Variants in DPP6 observed in about 807,000 individuals in gnomAD.
The protein encoded by DPP6 is A-type potassium channel modulatory protein DPP6.
Under a neutral mutation model 122.6 loss-of-function variants are expected in DPP6, and 69 were observed. The ratio of observed to expected loss-of-function variants is 0.56; its 90% confidence interval spans 0.46 to 0.69. The LOEUF (loss-of-function observed/expected upper bound fraction) is 0.69, where lower values mean the gene tolerates loss of function less well. Ranked by LOEUF, DPP6 falls within the 30% of genes least tolerant of loss-of-function variation. The pLI, the probability that DPP6 is intolerant of heterozygous loss-of-function variation, is 0.00. For missense variants in DPP6, 928 were observed against 1,116.9 expected (o/e 0.83, Z 2.41); for synonymous variants, 418 against 433.1 (o/e 0.97, Z 0.43).
At chr7:154,267,727 A>G (rs1163942176) in intron 1 of DPP6, among the ~76,000 whole-genome samples, 1 of 117,252 alleles carries the variant, frequency 8.5e-6, no homozygotes, top group East Asian at 2.6e-4. Context: ...ACACATACAT[A>G]TATATGTGTG....
chr7:154,884,751 TCATA>T lies in DPP6; in HGVS notation c.2134-878_2134-875del, dbSNP rs771602103. On this transcript the variant is annotated intron_variant, in intron 21 of 25. Coordinates refer to ENST00000377770, the MANE Select transcript of DPP6 (RefSeq NM_130797.4). The stretch of plus-strand genomic sequence containing the variant: ...GGCTTGCACAAGTTTACACACATAC[TCATA>T]CATGCTCACACAGGCATACACACAT... 574 of 68,458 alleles carry T rather than the reference TCATA, an allele frequency of 8.4e-3. 2 individuals are homozygous for T. The highest frequency in any genetic ancestry group is 0.013 in the Non-Finnish European group (432 of 34,074). 4.2% of individuals were successfully genotyped at this position (68,458 alleles called of 1,614,324 possible). A position where few individuals can be genotyped will look rare whatever the true frequency, so the allele number is the denominator to read the frequency against.
chr7:153,884,187 T>C (rs1798832692), upstream of DPP6, among the ~76,000 whole-genome samples: 1 of 152,048 alleles, frequency 6.6e-6, no homozygotes, highest in African/African-American at 2.4e-5. Flanking sequence ...CAGGCCCCAG[T>C]GTGTGATGTT....
chr7:154,153,029 A>G (rs1796501466), intron 1 of DPP6, among the ~76,000 whole-genome samples: 1 of 152,234 alleles, frequency 6.6e-6, no homozygotes, highest in East Asian at 1.9e-4. Flanking sequence ...TGGCCTGCCT[A>G]AAAATTAATG....
At chr7:154,279,210 T>C (rs149052749) in intron 1 of DPP6, among the ~76,000 whole-genome samples, 240 of 152,100 alleles carry the variant, frequency 1.6e-3, no homozygotes, top group African/African-American at 4.9e-3. Flanking sequence ...TATGTGAGTA[T>C]ATGGTGTATG....
At chr7:153,817,363 A>T in the DPP6 span, among the ~76,000 whole-genome samples, 2 of 140,460 alleles carry the variant, frequency 1.4e-5, 1 homozygote, top group East Asian at 4.6e-4. Context: ...CATTTTTCTC[A>T]GTATACACAT....
chr7:154,790,352 T>G (rs1020145926), intron 10 of DPP6, among the ~76,000 whole-genome samples: 6 of 152,144 alleles, frequency 3.9e-5, no homozygotes, highest in African/African-American at 1.4e-4. Context: ...GCCCAAAAGC[T>G]TTATGATAAA....
In DPP6 at chr7:154,682,319, C is replaced by T. The variant is rs115922329; in HGVS notation, c.762+12878C>T. 4.9e-3 allele frequency among the ~76,000 whole-genome samples: 740 copies of T among 152,352 alleles called. 8 individuals carry two copies. The highest frequency in any genetic ancestry group is 0.017 in the African/African-American group (710 of 41,576). ...CCTGTCAGGATCAGGCTGAACTCAA[C>T]AAGGCGAAAGGACCTGAACTTCTTG... On this transcript the variant is annotated intron_variant, in intron 7 of 25. Coordinates refer to ENST00000377770, the MANE Select transcript of DPP6 (RefSeq NM_130797.4).
the DPP6 span, among the ~76,000 whole-genome samples, chr7:153,830,618 C>T: frequency 6.6e-5 from 10 of 152,224 alleles, no homozygotes; most frequent in South Asian, 1.2e-3. Flanking sequence ...CTGTTAATTT[C>T]GAATTGGCCA....
intron 3 of DPP6, among the ~76,000 whole-genome samples, chr7:154,528,444 C>T (rs775511861): frequency 1.3e-5 from 2 of 152,168 alleles, no homozygotes; most frequent in African/African-American, 4.8e-5. Context: ...CTGTCATGGC[C>T]TCCTCATTCT....
intron 1 of DPP6, among the ~76,000 whole-genome samples, chr7:154,060,179 ACC>A (rs1801509291): frequency 7.1e-6 from 1 of 140,264 alleles, no homozygotes; most frequent in African/African-American, 2.8e-5. Context: ...GGGGGGAGGC[ACC>A]CCTCACGACA....
At chr7:154,837,180 G>A (rs186906023) in intron 16 of DPP6, among the ~76,000 whole-genome samples, 2 of 147,456 alleles carry the variant, frequency 1.4e-5, no homozygotes, top group African/African-American at 5.0e-5. Context: ...TGCATACACA[G>A]ATGCATGCAT....
rs1467881075 is a variant in DPP6, at chr7:154,200,569, C to A, written c.243+147506C>A. On this transcript the variant is annotated intron_variant, in intron 1 of 25. Transcript: ENST00000377770. ...AGGTCAGTACTAAAAACTACTCAGG[C>A]CATTCTTAGGCATTTTTGTCTTAGA... is the stretch of plus-strand genomic sequence containing the variant. 2.0e-5 allele frequency among the ~76,000 whole-genome samples: 3 copies of A among 152,130 alleles called. No individual in the cohort carries two copies. The East Asian group carries it at 5.8e-4, about 29-fold the overall frequency.
Position 154,821,635 on chromosome 7 carries a change from T to TATATATATATATATATAC in DPP6, c.1666+14534_1666+14535insTATATACATATATATATA, listed in dbSNP as rs1799770245. On this transcript the variant is annotated intron_variant, in intron 16 of 25. Transcript: ENST00000377770. This position sits in a 1 kb window ranked among gnomAD's most constrained non-coding sequence, Gnocchi z 4.2. ...TATATATATTTTTTTTCTGTATATA[T>TATATATATATATATATAC]ATATATATATACACATATATATATA... is the stretch of plus-strand genomic sequence containing the variant. Among the ~76,000 whole-genome samples the TATATATATATATATATAC allele has an allele frequency of 1.1e-5, 1 of 89,674 alleles. No individual in the cohort carries two copies. Among genetic ancestry groups the TATATATATATATATATAC allele is most frequent in the East Asian group, 2.9e-4 (1 of 3,400 alleles). 58.8% of individuals were successfully genotyped at this position (89,674 alleles called of 152,430 possible).
intron 2 of DPP6, among the ~76,000 whole-genome samples, chr7:154,472,014 A>C (rs906336686): frequency 3.3e-5 from 5 of 152,206 alleles, no homozygotes; most frequent in Non-Finnish European, 7.3e-5. Context: ...AAAGTCAAAA[A>C]GGAAAAACTT....
the DPP6 span, among the ~76,000 whole-genome samples, chr7:153,852,426 G>C: frequency 6.6e-6 from 1 of 152,074 alleles, no homozygotes; most frequent in African/African-American, 2.4e-5. Flanking sequence ...AGGAGCAAGA[G>C]AGTGGGAGCT....
At chr7:154,239,245 G>T (rs912371702) in intron 1 of DPP6, among the ~76,000 whole-genome samples, 1 of 152,192 alleles carries the variant, frequency 6.6e-6, no homozygotes. Context: ...AAGAAAAATG[G>T]CAAAACAACT....
At position 154,691,267 on chromosome 7, in the gene DPP6, G is replaced by T. The variant is rs182667204; in HGVS notation, c.762+21826G>T. Among the ~76,000 whole-genome samples, 10 of 152,126 alleles carry T rather than the reference G, an allele frequency of 6.6e-5. No homozygotes were observed. In the East Asian group the frequency reaches 1.9e-3, roughly 29 times the overall value. On this transcript the variant is annotated intron_variant, in intron 7 of 25. Coordinates refer to ENST00000377770, the MANE Select transcript of DPP6 (RefSeq NM_130797.4). ...CTGTTTTCAATTCTCTCAAACTTCT[G>T]TTTTCCGATGAGGAGCATGATTTTG...
intron 1 of DPP6, among the ~76,000 whole-genome samples, chr7:154,298,290 T>C (rs1308661778): frequency 1.0e-5 from 1 of 95,472 alleles, no homozygotes. Flanking sequence ...ATACACACAC[T>C]ATTGGTTGTG....
At chr7:154,774,656 T>C (rs76802431) in intron 10 of DPP6, among the ~76,000 whole-genome samples, 5,793 of 152,328 alleles carry the variant, frequency 0.038, 371 homozygotes, top group African/African-American at 0.13. Flanking sequence ...CACTTTCTCA[T>C]ACTGCTTCTC....
Sources: gnomAD v4.1 joint callset for allele counts (sites outside exome capture counted in the v4.1 genomes callset) on GRCh38, gnomAD v4.1.1 for gene constraint, Gnocchi (gnomAD v3.1) non-coding constraint, MANE v1.5 for transcripts, NCBI Gene and HGNC (gene_info 2026-07-23, HGNC 2026-07-21) for gene names.